Variants in PCSK5 observed in about 807,000 individuals in gnomAD.
PCSK5 encodes the protein prohormone convertase 5.
PCSK5 carries 129 observed loss-of-function variants against 233.2 expected under a neutral mutation model. That is an observed-to-expected ratio of 0.55 (90% CI 0.48 to 0.64). PCSK5 has a LOEUF of 0.64. Among genes scored for constraint, PCSK5 ranks in the 30% least tolerant of loss-of-function variants. PCSK5 has a pLI of 0.00. For synonymous variants in PCSK5, 825 were observed against 879.2 expected, an observed-to-expected ratio of 0.94 and a Z score of 1.09; for missense variants, 2,076 against 2,430.1, an observed-to-expected ratio of 0.85 and a Z score of 3.06.
At chr9:76,090,372 T>C (rs925666104) in intron 7 of PCSK5, among the ~76,000 whole-genome samples, 1 of 152,134 alleles carries the variant, frequency 6.6e-6, no homozygotes, top group Non-Finnish European at 1.5e-5. Flanking sequence ...CTGTAGGAAA[T>C]GTATCTTTGA....
chr9:76,075,431 A>G (rs1273820387), intron 7 of PCSK5, among the ~76,000 whole-genome samples: 1 of 151,900 alleles, frequency 6.6e-6, no homozygotes, highest in African/African-American at 2.4e-5. Flanking sequence ...TTTTGTTTGT[A>G]TTTTCCCAAA....
intron 1 of PCSK5, 54 bp downstream of exon 1, chr9:75,891,427 T>A: frequency 1.5e-6 from 2 of 1,347,740 alleles, no homozygotes; most frequent in South Asian, 1.3e-5. Context: ...TGGGGGCTTC[T>A]TGTCCCCTCT....
At chr9:76,252,913 C>T (rs1327182460) in intron 24 of PCSK5, among the ~76,000 whole-genome samples, 1 of 152,222 alleles carries the variant, frequency 6.6e-6, no homozygotes, top group East Asian at 1.9e-4. Flanking sequence ...ATACTGTGGA[C>T]ATTGACTGCT....
rs964176081 is a variant in PCSK5 at position 76,338,403 on chromosome 9, C to T, written c.4922C>T (p.Thr1641Ile). Residue 1641 changes from threonine to isoleucine, a missense_variant, in exon 35 of 38, where the codon ACA becomes ATA. By Grantham distance (89) the Thr-to-Ile change is moderately conservative (BLOSUM62 -1). Transcript: ENST00000674117. ...GACCATTACTATGTAGAGCAAAGCA[C>T]ACAGACCTGTGAGAGATGCCATCCG... is the stretch of plus-strand genomic sequence containing the variant. ...CPDHYYVEQS[T>I]QTCERCHPTC... is the part of the protein sequence containing the mutation. The T allele has an allele frequency of 1.2e-6, 2 of 1,612,606 alleles. No individual in the cohort carries two copies. Among genetic ancestry groups the T allele is most frequent in the African/African-American group, 2.7e-5 (2 of 74,928 alleles).
intron 3 of PCSK5, among the ~76,000 whole-genome samples, chr9:76,014,900 A>T (rs1827881927): frequency 6.6e-6 from 1 of 152,172 alleles, no homozygotes; most frequent in Non-Finnish European, 1.5e-5. Flanking sequence ...CATTACCTGT[A>T]TTATATATAT....
chr9:76,174,873 C>T, intron 13 of PCSK5, 113 bp from the exon 14 acceptor site: 4 of 846,178 alleles, frequency 4.7e-6, no homozygotes, highest in Non-Finnish European at 7.5e-6. Flanking sequence ...GATTGATATC[C>T]ATCTGCCTCC....
chr9:75,915,483 T>A (rs866503349), intron 1 of PCSK5, among the ~76,000 whole-genome samples: 1 of 152,226 alleles, frequency 6.6e-6, no homozygotes, highest in Non-Finnish European at 1.5e-5. Context: ...TTGGTCTTTA[T>A]CACTTTAATT....
Position 76,227,473 on chromosome 9 carries a change from TG to T in PCSK5, c.2627-29del, listed in dbSNP as rs762928573. The T allele has an allele frequency of 2.0e-6, 3 of 1,502,168 alleles. No individual in the cohort carries two copies. In the East Asian group the frequency reaches 6.9e-5, roughly 34 times the overall value. The allele number at this position is 1,502,168 out of a possible 1,614,324, so 93.1% of individuals were successfully genotyped here. A position where few individuals can be genotyped will look rare whatever the true frequency, so the allele number is the denominator to read the frequency against. ...CCCAGGCAGGCTTGCCATGTAGAAA[TG>T]AAATAAACAACTAGATTTTGTTCCC... is the stretch of plus-strand genomic sequence containing the variant. On this transcript the variant is annotated intron_variant, in intron 20 of 37. Transcript: ENST00000674117.
intron 3 of PCSK5, among the ~76,000 whole-genome samples, chr9:75,991,125 G>A (rs573334220): frequency 6.6e-6 from 1 of 152,256 alleles, no homozygotes; most frequent in South Asian, 2.1e-4. Flanking sequence ...GCAAAGAAAA[G>A]TTAAGTCACC....
intron 13 of PCSK5, among the ~76,000 whole-genome samples, chr9:76,174,356 G>A (rs923962947): frequency 6.6e-6 from 1 of 151,680 alleles, no homozygotes; most frequent in African/African-American, 2.4e-5. Flanking sequence ...GCCCAGGCTG[G>A]AGTGCAGTGG....
intron 3 of PCSK5, among the ~76,000 whole-genome samples, chr9:76,000,369 G>A (rs899765911): frequency 2.0e-5 from 3 of 152,108 alleles, no homozygotes; most frequent in Non-Finnish European, 4.4e-5. Context: ...TCCCAGTGAC[G>A]GTGTGTATTT....
intron 9 of PCSK5, among the ~76,000 whole-genome samples, chr9:76,124,128 G>T (rs533625951): frequency 6.6e-6 from 1 of 152,096 alleles, no homozygotes; most frequent in African/African-American, 2.4e-5. Context: ...CAGAGCCTGG[G>T]CCCTGAAGTA....
chr9:76,118,619 T>C (rs1832520272), intron 9 of PCSK5, among the ~76,000 whole-genome samples: 1 of 152,054 alleles, frequency 6.6e-6, no homozygotes, highest in Non-Finnish European at 1.5e-5. Flanking sequence ...CATTATAATC[T>C]ATTATTAGCA....
At chr9:76,295,493 G>A (rs1828411762) in intron 26 of PCSK5, 82 bp downstream of exon 26, 1 of 1,307,602 alleles carries the variant, frequency 7.6e-7, no homozygotes, top group Admixed American at 2.0e-5. Context: ...GCGCACATGT[G>A]ATTGGTTTCA....
intron 2 of PCSK5, among the ~76,000 whole-genome samples, chr9:75,946,742 C>T (rs958189193): frequency 6.6e-6 from 1 of 152,152 alleles, no homozygotes; most frequent in Non-Finnish European, 1.5e-5. Context: ...GTGCCCACCA[C>T]CATGCCAGCT....
intron 2 of PCSK5, among the ~76,000 whole-genome samples, chr9:75,956,469 A>G (rs1298891125): frequency 1.3e-5 from 2 of 152,192 alleles, no homozygotes; most frequent in African/African-American, 2.4e-5. Context: ...GTCACTTCCC[A>G]GATAATCTTC....
rs1416696699 is a variant in PCSK5, at chr9:76,362,049, T to G, written c.*3127T>G. 1.3e-5 allele frequency: 2 copies of G among 152,272 alleles called. No homozygotes were observed. Among genetic ancestry groups the G allele is most frequent in the Non-Finnish European group, 2.9e-5 (2 of 68,054 alleles). The allele number at this position is 152,272 out of a possible 1,614,324, so 9.4% of individuals were successfully genotyped here. A position where few individuals can be genotyped will look rare whatever the true frequency, so the allele number is the denominator to read the frequency against. On this transcript the variant is annotated 3_prime_UTR_variant, in exon 38 of 38. Coordinates refer to ENST00000674117, the MANE Select transcript of PCSK5 (RefSeq NM_001372043.1). The stretch of plus-strand genomic sequence containing the variant: ...AGAAAAATTGTGGTGTTCCTCTGTG[T>G]GGCCTGCAATGAAAAGAAGGCTCAT...
chr9:76,328,599 C>A (rs1239657514), intron 33 of PCSK5, among the ~76,000 whole-genome samples: 1 of 152,106 alleles, frequency 6.6e-6, no homozygotes, highest in African/African-American at 2.4e-5. Flanking sequence ...CATTTGAAGG[C>A]ATACATCATG....
At chr9:76,230,769 C>G (rs1409906703) in intron 21 of PCSK5, among the ~76,000 whole-genome samples, 1 of 152,066 alleles carries the variant, frequency 6.6e-6, no homozygotes, top group Non-Finnish European at 1.5e-5. Flanking sequence ...GTTGCGTGCT[C>G]ATTATGAGAA....
Sources: allele counts gnomAD v4.1 joint callset (sites outside exome capture counted in the v4.1 genomes callset), GRCh38; gene constraint gnomAD v4.1.1; transcripts MANE v1.5; gene names NCBI Gene and HGNC (gene_info 2026-07-23, HGNC 2026-07-21).